RIMS1: variants seen among roughly 807,000 people sequenced by gnomAD.
RIMS1 encodes the protein regulating synaptic membrane exocytosis protein 1.
In RIMS1, 83 loss-of-function variants were observed where a neutral mutation model predicts 214.1. That is an observed-to-expected ratio of 0.39 (90% CI 0.32 to 0.47). The LOEUF is 0.47. Among genes scored for constraint, RIMS1 ranks in the 20% least tolerant of loss-of-function variants. The pLI is 0.99. For missense variants in RIMS1, 2,050 were observed against 2,161.8 expected (o/e 0.95, Z 1.03); for synonymous variants, 793 against 786.8 (o/e 1.01, Z -0.13).
intron 4 of RIMS1, among the ~76,000 whole-genome samples, chr6:72,111,584 A>T (rs1562336872): frequency 6.6e-6 from 1 of 152,116 alleles, no homozygotes. Context: ...TCAAGTTTTC[A>T]TCCATTGGTT....
chr6:72,311,791 T>C (rs2095524999), intron 27 of RIMS1, among the ~76,000 whole-genome samples: 1 of 152,060 alleles, frequency 6.6e-6, no homozygotes, highest in Admixed American at 6.5e-5. Context: ...GGTAACACGG[T>C]GAAACCCCGT....
intron 1 of RIMS1, among the ~76,000 whole-genome samples, chr6:71,937,709 A>C (rs1190645725): frequency 2.0e-5 from 3 of 152,188 alleles, no homozygotes; most frequent in Non-Finnish European, 4.4e-5. Context: ...GCATCAGTCC[A>C]TTCATGAGGA....
intron 1 of RIMS1, among the ~76,000 whole-genome samples, chr6:71,935,873 T>A (rs1412142936): frequency 2.6e-5 from 4 of 152,202 alleles, no homozygotes; most frequent in African/African-American, 9.6e-5. Flanking sequence ...CCTGAAGTAA[T>A]CTTTCACCGG....
chr6:72,272,642 T>C (rs2084013195), intron 22 of RIMS1, among the ~76,000 whole-genome samples: 2 of 152,182 alleles, frequency 1.3e-5, no homozygotes, highest in South Asian at 4.1e-4. Flanking sequence ...GCTTTTTCTT[T>C]ACTTTTATGT....
intron 2 of RIMS1, among the ~76,000 whole-genome samples, chr6:72,044,532 G>A (rs1379577747): frequency 1.3e-5 from 2 of 151,460 alleles, no homozygotes; most frequent in African/African-American, 2.4e-5. Context: ...GACAGCAAAC[G>A]ACCCCCCTGA....
intron 1 of RIMS1, among the ~76,000 whole-genome samples, chr6:71,944,373 A>G (rs58424367): frequency 0.011 from 1,710 of 152,310 alleles, 35 homozygotes; most frequent in African/African-American, 0.039. Context: ...TTGAGGTTGT[A>G]GCCTCCTACC....
chr6:72,380,411 AAC>A (rs781476304), intron 29 of RIMS1, among the ~76,000 whole-genome samples: 37 of 152,306 alleles, frequency 2.4e-4, no homozygotes, highest in Non-Finnish European at 4.6e-4. Flanking sequence ...ATGTATATGA[AAC>A]AATGCAATAA....
In RIMS1 at chr6:72,182,799, A is replaced by G. The variant is rs770517221; in HGVS notation, c.1328A>G (p.Gln443Arg). Reference sequence around the variant, plus strand: ...GAGACCAGGGCGCCGGGCGCCAAGCAGCTAACGAACCACAGCCCGCCGGCG... The same window carrying G: ...GAGACCAGGGCGCCGGGCGCCAAGCGGCTAACGAACCACAGCCCGCCGGCG... The part of the protein sequence containing the change: ...TAETRAPGAK[Q>R]LTNHSPPAPR... The change falls in exon 6 of 34, where the codon CAG (glutamine) becomes CGG (arginine). Residue 443 changes from glutamine (Q) to arginine (R), a missense_variant. Physicochemically the swap from Gln to Arg is conservative, Grantham distance 43. Transcript: ENST00000521978. 1.3e-6 allele frequency: 2 copies of G among 1,548,082 alleles called. No individual in the cohort carries two copies. Among genetic ancestry groups the G allele is most frequent in the Admixed American group, 1.9e-5 (1 of 51,388 alleles).
chr6:72,221,229 T>A (rs941126256), intron 6 of RIMS1, among the ~76,000 whole-genome samples: 6 of 151,886 alleles, frequency 4.0e-5, no homozygotes, highest in Admixed American at 2.6e-4. Flanking sequence ...ATATGTGCGA[T>A]CTAAAATGTG....
At chr6:72,293,231 T>G (rs2093654997) in intron 26 of RIMS1, among the ~76,000 whole-genome samples, 1 of 152,020 alleles carries the variant, frequency 6.6e-6, no homozygotes, top group South Asian at 2.1e-4. Context: ...ATGCTTTAGT[T>G]TTCAGGGTTG....
At chr6:72,123,765 G>A (rs893512552) in intron 4 of RIMS1, among the ~76,000 whole-genome samples, 7 of 151,750 alleles carry the variant, frequency 4.6e-5, no homozygotes, top group Non-Finnish European at 1.0e-4. Context: ...TCAGTTTAAA[G>A]TCTGTTTTAT....
chr6:72,070,402 A>G (rs1162581301), intron 2 of RIMS1, among the ~76,000 whole-genome samples: 1 of 152,166 alleles, frequency 6.6e-6, no homozygotes, highest in African/African-American at 2.4e-5. Flanking sequence ...CTTATGGTCA[A>G]CTGGAGGAAA....
chr6:72,047,221 G>A (rs887320931), intron 2 of RIMS1, among the ~76,000 whole-genome samples: 9 of 152,096 alleles, frequency 5.9e-5, no homozygotes, highest in African/African-American at 1.7e-4. Context: ...TTGCAGTTTT[G>A]AGATTCTTTG....
At chr6:71,938,416 C>T (rs1785082546) in intron 1 of RIMS1, among the ~76,000 whole-genome samples, 1 of 152,232 alleles carries the variant, frequency 6.6e-6, no homozygotes, top group Non-Finnish European at 1.5e-5. Context: ...GGCCTCACCC[C>T]ACAATAGTTT....
chr6:72,271,272 A>G (rs1405230365), intron 22 of RIMS1, among the ~76,000 whole-genome samples: 2 of 49,174 alleles, frequency 4.1e-5, no homozygotes, highest in African/African-American at 1.3e-4. Flanking sequence ...TCTCAAGGAA[A>G]AAAAAAAAAA....
intron 1 of RIMS1, among the ~76,000 whole-genome samples, chr6:71,962,109 G>C (rs1255702653): frequency 2.6e-5 from 4 of 152,080 alleles, no homozygotes; most frequent in African/African-American, 9.7e-5. Flanking sequence ...AATCAAGCCT[G>C]TTTTTATTCT....
chr6:72,182,751 C>T lies in RIMS1; in HGVS notation c.1280C>T (p.Ala427Val), dbSNP rs562760443. ...ARASPPDSPR[A>V]YSAERTAETR... Reference sequence around the variant, plus strand: ...GCCTCGCCGCCGGACTCGCCGCGGGCTTACTCGGCTGAGAGAACTGCGGAG... The same window carrying T: ...GCCTCGCCGCCGGACTCGCCGCGGGTTTACTCGGCTGAGAGAACTGCGGAG... The change falls in exon 6 of 34, where the codon GCT becomes GTT. Residue 427 changes from alanine (A) to valine (V), a missense_variant. Physicochemically the swap from Ala to Val is moderately conservative, Grantham distance 64. Transcript: ENST00000521978. 22 of 1,543,046 alleles carry T rather than the reference C, an allele frequency of 1.4e-5. No homozygotes were observed. The African/African-American group carries it at 2.6e-4, about 18-fold the overall frequency.
intron 1 of RIMS1, among the ~76,000 whole-genome samples, chr6:71,900,507 A>T (rs1773270688): frequency 6.6e-6 from 1 of 152,162 alleles, no homozygotes; most frequent in African/African-American, 2.4e-5. Context: ...ATGTATGTGT[A>T]GAGACCAGCT....
At chr6:72,356,892 T>C (rs2097665455) in intron 29 of RIMS1, among the ~76,000 whole-genome samples, 2 of 152,238 alleles carry the variant, frequency 1.3e-5, no homozygotes, top group African/African-American at 4.8e-5. Context: ...CTCTAAATTC[T>C]ACCTTTATCT....
Sources: allele counts gnomAD v4.1 joint callset (sites outside exome capture counted in the v4.1 genomes callset), GRCh38; gene constraint gnomAD v4.1.1; transcripts MANE v1.5; gene names NCBI Gene and HGNC (gene_info 2026-07-23, HGNC 2026-07-21).